Variants in GAS7 observed in about 807,000 individuals in gnomAD.
The protein encoded by GAS7 is growth arrest specific 7.
A neutral mutation model predicts 71.1 loss-of-function variants in GAS7; 28 were observed. The ratio of observed to expected loss-of-function variants is 0.39; its 90% confidence interval spans 0.29 to 0.54. GAS7 has a LOEUF of 0.54. Among genes scored for constraint, GAS7 ranks in the 20% least tolerant of loss-of-function variants. The pLI is 0.62. For synonymous variants in GAS7, 258 were observed against 245.8 expected, an observed-to-expected ratio of 1.05 and a Z score of -0.46; for missense variants, 436 against 627.8, an observed-to-expected ratio of 0.69 and a Z score of 3.27.
In GAS7 at chr17:10,040,750, T is replaced by C. The variant is rs544276278; in HGVS notation, c.184-20853A>G. 1.4e-3 allele frequency among the ~76,000 whole-genome samples: 210 copies of C among 152,088 alleles called. 1 individual carries two copies. Among genetic ancestry groups the C allele is most frequent in the African/African-American group, 4.9e-3 (204 of 41,500 alleles). ...AGTTATTTGCATCTTCTCTCTGCAG[T>C]GTGGGAGGAGAGGCCGGGTGACGAA... On this transcript the variant is annotated intron_variant, in intron 1 of 13. Coordinates refer to ENST00000432992, the MANE Select transcript of GAS7 (RefSeq NM_201433.2).
At chr17:9,932,121 ATGG>A (rs2068229347) in intron 9 of GAS7, among the ~76,000 whole-genome samples, 1 of 149,288 alleles carries the variant, frequency 6.7e-6, no homozygotes, top group Non-Finnish European at 1.5e-5. Context: ...CTGACTAGTG[ATGG>A]TGGGAGGACA....
chr17:10,081,480 G>C (rs1177634065), intron 1 of GAS7, among the ~76,000 whole-genome samples: 1 of 152,148 alleles, frequency 6.6e-6, no homozygotes, highest in African/African-American at 2.4e-5. Context: ...GGCATAAAAA[G>C]CAAAATCCCT....
chr17:10,078,036 G>T lies in GAS7; in HGVS notation c.184-58139C>A, dbSNP rs138534053. On this transcript the variant is annotated intron_variant, in intron 1 of 13. Transcript: ENST00000432992. ...GTGATAGGTGACAGTACATGCGGAA[G>T]TTTGTTGTTTTTTCTGTTGTGTGTG... Among the ~76,000 whole-genome samples, 873 of 149,844 alleles carry T rather than the reference G, an allele frequency of 5.8e-3. 5 individuals are homozygous for T. Among genetic ancestry groups the T allele is most frequent in the Middle Eastern group, 0.024 (7 of 294 alleles).
chr17:10,017,313 T>C (rs920332845), intron 2 of GAS7, among the ~76,000 whole-genome samples: 1 of 149,632 alleles, frequency 6.7e-6, no homozygotes, highest in Non-Finnish European at 1.5e-5. Context: ...CCAACGAAAA[T>C]CATCTTCCAC....
At chr17:9,984,198 T>C (rs1192385555) in intron 2 of GAS7, among the ~76,000 whole-genome samples, 1 of 152,162 alleles carries the variant, frequency 6.6e-6, no homozygotes, top group Non-Finnish European at 1.5e-5. Flanking sequence ...GCTCCTAAAC[T>C]ACCGTGCAGC....
At chr17:9,938,010 G>A (rs2068462903) in intron 8 of GAS7, among the ~76,000 whole-genome samples, 1 of 152,144 alleles carries the variant, frequency 6.6e-6, no homozygotes, top group African/African-American at 2.4e-5. Flanking sequence ...TGTTTTGTGA[G>A]TGCAACTACC....
At chr17:10,020,634 G>A (rs985555653) in intron 1 of GAS7, among the ~76,000 whole-genome samples, 7 of 152,086 alleles carry the variant, frequency 4.6e-5, no homozygotes, top group South Asian at 2.1e-4. Context: ...AACCATGGCC[G>A]GGCGCAGTGG....
rs908363787 is a variant in GAS7, at chr17:9,926,083, C to T, written c.1015-484G>A. ...TGGCATCTCTGTGGTCCTTGGGTGG[C>T]GGCAGTTGGCTGGGCCCAGGGTGTC... On this transcript the variant is annotated intron_variant, in intron 10 of 13. Coordinates refer to ENST00000432992, the MANE Select transcript of GAS7 (RefSeq NM_201433.2). The surrounding 1 kb of genome is among the most constrained non-coding windows in gnomAD (Gnocchi z 5.0). Among the ~76,000 whole-genome samples, 3 of 151,902 alleles carry T rather than the reference C, an allele frequency of 2.0e-5. No homozygotes were observed. Among genetic ancestry groups the T allele is most frequent in the African/African-American group, 4.8e-5 (2 of 41,362 alleles).
intron 1 of GAS7, among the ~76,000 whole-genome samples, chr17:10,161,972 CAGG>C (rs756037459): frequency 3.4e-5 from 5 of 147,292 alleles, no homozygotes; most frequent in Non-Finnish European, 7.4e-5. Context: ...GAGGCTGAGG[CAGG>C]AGAATGGCGT....
intron 9 of GAS7, among the ~76,000 whole-genome samples, chr17:9,928,450 G>A (rs1422101380): frequency 2.0e-5 from 3 of 151,962 alleles, no homozygotes; most frequent in Non-Finnish European, 4.4e-5. Context: ...ACAGATCAAC[G>A]GGACCTGCTG....
At position 10,058,170 on chromosome 17, in the gene GAS7, G is replaced by T. The variant is rs550603943; in HGVS notation, c.184-38273C>A. Among the ~76,000 whole-genome samples, 6 of 152,308 alleles carry T rather than the reference G, an allele frequency of 3.9e-5. 1 individual carries two copies. Among genetic ancestry groups the T allele is most frequent in the Admixed American group, 3.9e-4 (6 of 15,306 alleles). On this transcript the variant is annotated intron_variant, in intron 1 of 13. Transcript: ENST00000432992. ...GAGACCCTTGTTCACTTGTTTATCT[G>T]CTGACCTTCCCTCCACTATTGTCCT...
At chr17:10,007,564 T>TGCA (rs1214608167) in intron 2 of GAS7, among the ~76,000 whole-genome samples, 1 of 140,590 alleles carries the variant, frequency 7.1e-6, no homozygotes, top group Non-Finnish European at 1.5e-5. Flanking sequence ...AGGCAGAGGT[T>TGCA]GCAGTGAGCT....
At chr17:10,174,417 G>A (rs2074356411) in intron 1 of GAS7, among the ~76,000 whole-genome samples, 1 of 152,186 alleles carries the variant, frequency 6.6e-6, no homozygotes, top group South Asian at 2.1e-4. Flanking sequence ...TTCTGGCCAG[G>A]CGCGGTGGCT....
chr17:10,141,078 G>A (rs2074076184), intron 1 of GAS7, among the ~76,000 whole-genome samples: 2 of 152,334 alleles, frequency 1.3e-5, no homozygotes, highest in Non-Finnish European at 1.5e-5. Flanking sequence ...AGTGGCTCCA[G>A]GGCCCTGGCC....
intron 2 of GAS7, among the ~76,000 whole-genome samples, chr17:10,006,790 A>G (rs2071554201): frequency 6.6e-6 from 1 of 152,228 alleles, no homozygotes; most frequent in Non-Finnish European, 1.5e-5. Context: ...ACAGACAGGA[A>G]TAAAGGCTGG....
At position 9,964,204 on chromosome 17, in the gene GAS7, C is replaced by G. The variant is rs563827279; in HGVS notation, c.472-4949G>C. 1.0e-3 allele frequency among the ~76,000 whole-genome samples: 152 copies of G among 152,206 alleles called. 2 individuals are homozygous for G. The highest frequency in any genetic ancestry group is 3.5e-3 in the African/African-American group (144 of 41,480). The stretch of plus-strand genomic sequence containing the variant: ...TGGGCATCTCTGCATCACCCTGAGG[C>G]CTGGCAGGGGGTGATACCACACAGG... On this transcript the variant is annotated intron_variant, in intron 4 of 13. Transcript: ENST00000432992.
chr17:10,101,724 G>C (rs1021637066), intron 1 of GAS7, among the ~76,000 whole-genome samples: 2 of 152,190 alleles, frequency 1.3e-5, no homozygotes, highest in Non-Finnish European at 2.9e-5. Flanking sequence ...TACAGTCATG[G>C]CTGACTCTTC....
At chr17:10,084,519 T>G (rs964796806) in intron 1 of GAS7, among the ~76,000 whole-genome samples, 3 of 152,058 alleles carry the variant, frequency 2.0e-5, no homozygotes, top group African/African-American at 7.2e-5. Flanking sequence ...CAGGCTGGAG[T>G]GCGATGGTGC....
At chr17:10,048,178 T>C (rs2073007458) in intron 1 of GAS7, among the ~76,000 whole-genome samples, 1 of 152,294 alleles carries the variant, frequency 6.6e-6, no homozygotes, top group Non-Finnish European at 1.5e-5. Context: ...GGTGCGCACC[T>C]GTAATCCCAG....
Sources: allele counts gnomAD v4.1 joint callset (sites outside exome capture counted in the v4.1 genomes callset), GRCh38; gene constraint gnomAD v4.1.1; non-coding constraint Gnocchi (gnomAD v3.1); transcripts MANE v1.5; gene names NCBI Gene and HGNC (gene_info 2026-07-23, HGNC 2026-07-21).